Variants in SLIT3 observed in about 807,000 individuals in gnomAD.
SLIT3 encodes the protein slit homolog 3 protein.
A neutral mutation model predicts 184.0 loss-of-function variants in SLIT3; 68 were observed. That is an observed-to-expected ratio of 0.37 (90% CI 0.30 to 0.45). SLIT3 has a LOEUF of 0.45. Ranked by LOEUF, SLIT3 falls within the 20% of genes least tolerant of loss-of-function variation. The pLI is 1.00. For missense variants in SLIT3, 1,707 were observed against 2,026.0 expected, an observed-to-expected ratio of 0.84 and a Z score of 3.02; for synonymous variants, 831 against 828.6, an observed-to-expected ratio of 1.00 and a Z score of -0.05.
At chr5:169,011,732 GAAAAGTAAC>G (rs1756162737) in intron 4 of SLIT3, among the ~76,000 whole-genome samples, 1 of 152,162 alleles carries the variant, frequency 6.6e-6, no homozygotes, top group Non-Finnish European at 1.5e-5. Context: ...AACCACACTT[GAAAAGTAAC>G]CCGATGTTAT....
chr5:169,097,496 C>G (rs1373304643), intron 4 of SLIT3, among the ~76,000 whole-genome samples: 1 of 152,152 alleles, frequency 6.6e-6, no homozygotes, highest in East Asian at 1.9e-4. Context: ...AAAAGAATCC[C>G]ACTGTGACAT....
At chr5:168,688,961 A>G (rs1475353385) in intron 29 of SLIT3, among the ~76,000 whole-genome samples, 1 of 152,264 alleles carries the variant, frequency 6.6e-6, no homozygotes, top group African/African-American at 2.4e-5. Flanking sequence ...TACTGGTGAG[A>G]TCTTTATTAA....
chr5:168,884,252 G>A (rs1315047714), intron 4 of SLIT3, among the ~76,000 whole-genome samples: 3 of 151,552 alleles, frequency 2.0e-5, no homozygotes, highest in Non-Finnish European at 4.4e-5. Flanking sequence ...CGTGCAAACT[G>A]GCCCTGCAAA....
At chr5:168,679,932 G>A (rs1379863795) in intron 32 of SLIT3, among the ~76,000 whole-genome samples, 1 of 152,240 alleles carries the variant, frequency 6.6e-6, no homozygotes, top group Non-Finnish European at 1.5e-5. Flanking sequence ...GGACAGGATT[G>A]TAGAAATCAA....
intron 2 of SLIT3, among the ~76,000 whole-genome samples, chr5:169,247,988 C>T (rs1031937846): frequency 2.0e-5 from 3 of 152,090 alleles, no homozygotes; most frequent in Non-Finnish European, 4.4e-5. Context: ...AGAGAGTCAC[C>T]GGCAGGAGAT....
At chr5:169,053,422 A>T (rs960567235) in intron 4 of SLIT3, among the ~76,000 whole-genome samples, 1 of 151,990 alleles carries the variant, frequency 6.6e-6, no homozygotes, top group African/African-American at 2.4e-5. Flanking sequence ...TTGTTTTGCC[A>T]TTTCTTCCAT....
chr5:169,006,292 G>A (rs1581293178), intron 4 of SLIT3, among the ~76,000 whole-genome samples: 1 of 152,278 alleles, frequency 6.6e-6, no homozygotes, highest in Non-Finnish European at 1.5e-5. Context: ...AATACAAAAA[G>A]CAAAAAATTA....
intron 4 of SLIT3, among the ~76,000 whole-genome samples, chr5:169,134,592 G>T (rs1761428280): frequency 6.6e-6 from 1 of 152,142 alleles, no homozygotes; most frequent in African/African-American, 2.4e-5. Context: ...ACACACTGGG[G>T]CCTGTCGGAG....
At chr5:169,097,850 G>T (rs1759846913) in intron 4 of SLIT3, among the ~76,000 whole-genome samples, 1 of 152,200 alleles carries the variant, frequency 6.6e-6, no homozygotes, top group Admixed American at 6.5e-5. Context: ...ACAAGTTGGA[G>T]GATCAAGTGC....
intron 4 of SLIT3, among the ~76,000 whole-genome samples, chr5:169,050,998 A>G (rs919712229): frequency 1.3e-5 from 2 of 152,168 alleles, no homozygotes; most frequent in Non-Finnish European, 2.9e-5. Flanking sequence ...CTTTTGTTTT[A>G]TCTGAAAACG....
intron 4 of SLIT3, among the ~76,000 whole-genome samples, chr5:169,129,826 T>C (rs555567626): frequency 4.0e-5 from 6 of 151,014 alleles, no homozygotes; most frequent in Non-Finnish European, 5.9e-5. Context: ...TGGTGGTTTT[T>C]TTTGTTTGTT....
intron 4 of SLIT3, among the ~76,000 whole-genome samples, chr5:169,062,351 G>T (rs1758200867): frequency 6.6e-6 from 1 of 152,164 alleles, no homozygotes; most frequent in Non-Finnish European, 1.5e-5. Context: ...GGCTTTGGGT[G>T]CCACATGAAT....
chr5:169,009,308 A>G (rs1756052215), intron 4 of SLIT3, among the ~76,000 whole-genome samples: 1 of 152,202 alleles, frequency 6.6e-6, no homozygotes, highest in Non-Finnish European at 1.5e-5. Flanking sequence ...TCTCTGGGTG[A>G]CCGTAACTTG....
chr5:168,870,311 G>A (rs1759469687), intron 5 of SLIT3, among the ~76,000 whole-genome samples: 3 of 152,210 alleles, frequency 2.0e-5, no homozygotes, highest in Admixed American at 2.0e-4. Flanking sequence ...AAGGGAGAAT[G>A]GCCAAGAAAG....
At position 169,251,395 on chromosome 5, in the gene SLIT3, G is replaced by C. The variant is rs751691883; in HGVS notation, c.262C>G (p.Arg88Gly). 1.2e-6 allele frequency: 2 copies of C among 1,610,664 alleles called. No individual in the cohort carries two copies. The highest frequency in any genetic ancestry group is 8.5e-7 in the Non-Finnish European group (1 of 1,176,892). ...KMDFAGLKNL[R>G]VLHLEDNQVS... ...GAGCCATCAACTACTTACAAGACTCGGAGGTTCTTGAGCCCAGCGAAGTCC... is the reference window on the plus strand; with the variant it reads ...GAGCCATCAACTACTTACAAGACTCCGAGGTTCTTGAGCCCAGCGAAGTCC... The change falls in exon 2 of 36, where the codon CGA (arginine) becomes GGA (glycine). Residue 88 changes from arginine (R) to glycine (G), a missense_variant. Transcript: ENST00000519560.
At chr5:169,102,418 G>GC (rs1348898862) in intron 4 of SLIT3, among the ~76,000 whole-genome samples, 1 of 152,128 alleles carries the variant, frequency 6.6e-6, no homozygotes, top group Non-Finnish European at 1.5e-5. Context: ...AATCCATGAA[G>GC]CCCTTCATAT....
At chr5:169,243,259 G>C (rs1023355273) in intron 3 of SLIT3, among the ~76,000 whole-genome samples, 3 of 152,122 alleles carry the variant, frequency 2.0e-5, no homozygotes, top group East Asian at 3.9e-4. Flanking sequence ...GCTAAGCAAG[G>C]GGTGGCCTTT....
At chr5:168,875,082 GGGGAGGAAAGAA>G (rs1759681420) in intron 5 of SLIT3, among the ~76,000 whole-genome samples, 1 of 150,248 alleles carries the variant, frequency 6.7e-6, no homozygotes, top group Non-Finnish European at 1.5e-5. Flanking sequence ...GGAGGAAGAG[GGGGAGGAAAGAA>G]GGGAGGAAGC....
chr5:168,980,353 GA>G (rs1754906554), intron 4 of SLIT3, among the ~76,000 whole-genome samples: 1 of 152,100 alleles, frequency 6.6e-6, no homozygotes, highest in Non-Finnish European at 1.5e-5. Context: ...TGACCAAGGG[GA>G]AGGCTGCTTC....
Sources: allele counts gnomAD v4.1 joint callset (sites outside exome capture counted in the v4.1 genomes callset), GRCh38; gene constraint gnomAD v4.1.1; transcripts MANE v1.5; gene names NCBI Gene and HGNC (gene_info 2026-07-23, HGNC 2026-07-21).